The following RHOBTB3 variants were observed in gnomAD, a reference collection of about 807,000 sequenced individuals.
RHOBTB3 encodes the protein rho-related BTB domain-containing protein 3.
RHOBTB3 carries 47 observed loss-of-function variants against 67.2 expected under a neutral mutation model. The ratio of observed to expected loss-of-function variants is 0.70; its 90% CI spans 0.55 to 0.89. RHOBTB3 has a LOEUF of 0.89. RHOBTB3 is among the 40% of genes least tolerant of loss of function. The probability of loss-of-function intolerance (pLI) is 0.00; values close to 1 mark genes in which losing one functional copy is unlikely to be tolerated. For missense variants in RHOBTB3, 631 were observed against 750.0 expected (o/e 0.84, Z 1.85); for synonymous variants, 273 against 274.2 (o/e 1.00, Z 0.04).
At chr5:95,744,516 C>A (rs926077455) in intron 3 of RHOBTB3, among the ~76,000 whole-genome samples, 2 of 152,022 alleles carry the variant, frequency 1.3e-5, no homozygotes, top group African/African-American at 4.8e-5. Flanking sequence ...ACTCACTAAA[C>A]GTTTATTCAA....
intron 4 of RHOBTB3, among the ~76,000 whole-genome samples, chr5:95,751,845 T>A (rs1437267132): frequency 6.6e-6 from 1 of 152,240 alleles, no homozygotes; most frequent in Admixed American, 6.5e-5. Flanking sequence ...GCTCCATCCA[T>A]TTTGCCGCAA....
rs1275175257 is a variant in RHOBTB3, at chr5:95,744,579, A to G, written c.416-3754A>G. 3.9e-5 allele frequency among the ~76,000 whole-genome samples: 6 copies of G among 152,164 alleles called. 1 individual carries two copies. In the East Asian group the frequency reaches 1.2e-3, roughly 29 times the overall value. Reference sequence around the variant, plus strand: ...AGTAAGTGAAAAAATCAATTTCACTAACAAGATGAAATTAATTTGCCATAC... The same window carrying G: ...AGTAAGTGAAAAAATCAATTTCACTGACAAGATGAAATTAATTTGCCATAC... On this transcript the variant is annotated intron_variant, in intron 3 of 11. Coordinates refer to ENST00000379982, the MANE Select transcript of RHOBTB3 (RefSeq NM_014899.4).
At chr5:95,789,127 T>C in intron 11 of RHOBTB3, 1 of 322,558 alleles carries the variant, frequency 3.1e-6, no homozygotes, top group Non-Finnish European at 5.6e-6. Context: ...CTGAAATAGA[T>C]AAGGTGACAA....
At chr5:95,754,097 A>G (rs1013598944) in intron 5 of RHOBTB3, among the ~76,000 whole-genome samples, 3 of 151,990 alleles carry the variant, frequency 2.0e-5, no homozygotes, top group African/African-American at 7.3e-5. Flanking sequence ...GTCTCAAAAA[A>G]AAAGAAAAGA....
At chr5:95,732,372 T>G in intron 2 of RHOBTB3, 1 of 575,246 alleles carries the variant, frequency 1.7e-6, no homozygotes, top group Non-Finnish European at 3.1e-6. Context: ...CAGTTGAATG[T>G]GCCAACTCCA....
chr5:95,748,434 C>A lies in RHOBTB3; in HGVS notation c.517C>A (p.Leu173Ile). ...TGCAAAAGAACTAGGAGCGACCTAT[C>A]TTGAACTCCACAGCCTTGATGACTT... is the stretch of plus-strand genomic sequence containing the variant. ...QLAKELGATY[L>I]ELHSLDDFYI... The change falls in exon 4 of 12, where the codon CTT (leucine) becomes ATT (isoleucine). Residue 173 changes from leucine (L) to isoleucine (I), a missense_variant. Coordinates refer to ENST00000379982, the MANE Select transcript of RHOBTB3 (RefSeq NM_014899.4). 6.2e-7 allele frequency: 1 copy of A among 1,613,638 alleles called. No homozygotes were observed. Among genetic ancestry groups the A allele is most frequent in the South Asian group, 1.1e-5 (1 of 91,036 alleles).
At chr5:95,761,921 G>A (rs1745405879) in intron 6 of RHOBTB3, among the ~76,000 whole-genome samples, 1 of 152,166 alleles carries the variant, frequency 6.6e-6, no homozygotes, top group Non-Finnish European at 1.5e-5. Context: ...TGGGAAAAGA[G>A]GATGTGGCCA....
At chr5:95,730,836 C>T, upstream of RHOBTB3, 1 of 450,164 alleles carries the variant, frequency 2.2e-6, no homozygotes, top group Non-Finnish European at 4.5e-6. Context: ...TTTTTTCTCA[C>T]AAGTATGATT....
At chr5:95,755,884 A>G (rs1745230495) in intron 6 of RHOBTB3, 123 bp downstream of exon 6, 1 of 887,184 alleles carries the variant, frequency 1.1e-6, no homozygotes, top group Non-Finnish European at 1.7e-6. Context: ...TGAGATTAAG[A>G]TTATACATGA....
chr5:95,718,196 A>C (rs1056652255), intron 1 of RHOBTB3, among the ~76,000 whole-genome samples: 2 of 152,136 alleles, frequency 1.3e-5, no homozygotes, highest in Non-Finnish European at 2.9e-5. Flanking sequence ...TTCTAGCCGT[A>C]TGGGGAAGAA....
At chr5:95,777,963 C>G (rs763953793) in intron 8 of RHOBTB3, among the ~76,000 whole-genome samples, 4 of 151,924 alleles carry the variant, frequency 2.6e-5, no homozygotes, top group African/African-American at 4.8e-5. Flanking sequence ...GTAAAAATAC[C>G]AAAAAAGTTA....
At chr5:95,769,233 A>C (rs1410345027) in intron 8 of RHOBTB3, 1 of 374,108 alleles carries the variant, frequency 2.7e-6, no homozygotes, top group Non-Finnish European at 5.3e-6. Flanking sequence ...TGACTGTTAC[A>C]AAGTCAATTG....
chr5:95,732,134 CT>C (rs373839806), intron 2 of RHOBTB3, 50 bp downstream of exon 2: 185 of 1,549,336 alleles, frequency 1.2e-4, no homozygotes, highest in East Asian at 1.8e-4. Flanking sequence ...CTTTTCTTTC[CT>C]TTTTTTTCCC....
At position 95,763,624 on chromosome 5, in the gene RHOBTB3, A is replaced by G; in HGVS notation, c.1161+4A>G. 1 of 1,531,498 alleles carries G rather than the reference A, an allele frequency of 6.5e-7. No homozygotes were observed. The highest frequency in any genetic ancestry group is 9.0e-7 in the Non-Finnish European group (1 of 1,105,564). The allele number at this position is 1,531,498 out of a possible 1,614,324, so 94.9% of individuals were successfully genotyped here. On this transcript the variant is annotated splice_donor_region_variant and intron_variant, in intron 7 of 11. Transcript: ENST00000379982. ...CATTTTAAAAACACCAGGAAAGGTA[A>G]GTTGATTTGTTGTAAGTTAGTTTAC...
intron 8 of RHOBTB3, among the ~76,000 whole-genome samples, chr5:95,776,810 G>T (rs918692510): frequency 3.3e-5 from 5 of 152,192 alleles, no homozygotes; most frequent in South Asian, 4.1e-4. Context: ...GGTCACGGGG[G>T]TTGAGATAGT....
intron 11 of RHOBTB3, among the ~76,000 whole-genome samples, chr5:95,790,266 G>A (rs948114471): frequency 1.8e-4 from 27 of 152,308 alleles, no homozygotes; most frequent in African/African-American, 6.5e-4. Flanking sequence ...GCTGTCAGAA[G>A]GAACATTCTT....
chr5:95,742,435 C>T (rs911541269), intron 3 of RHOBTB3, among the ~76,000 whole-genome samples: 3 of 152,158 alleles, frequency 2.0e-5, no homozygotes, highest in African/African-American at 7.2e-5. Flanking sequence ...TAATGTCTTT[C>T]TTTAGGTCTA....
intron 4 of RHOBTB3, among the ~76,000 whole-genome samples, chr5:95,748,695 T>C (rs772145168): frequency 6.6e-5 from 10 of 152,174 alleles, no homozygotes; most frequent in Non-Finnish European, 1.5e-4. Context: ...CTATTTAATA[T>C]GATATTTTGG....
intron 4 of RHOBTB3, among the ~76,000 whole-genome samples, chr5:95,748,699 A>T (rs148785917): frequency 1.3e-5 from 2 of 152,164 alleles, no homozygotes; most frequent in East Asian, 3.9e-4. Context: ...TTAATATGAT[A>T]TTTTGGAATT....
Sources: gnomAD v4.1 joint callset for allele counts (sites outside exome capture counted in the v4.1 genomes callset) on GRCh38, gnomAD v4.1.1 for gene constraint, MANE v1.5 for transcripts, NCBI Gene and HGNC (gene_info 2026-07-23, HGNC 2026-07-21) for gene names.